The following CPXM2 variants were observed in gnomAD, a reference collection of about 807,000 sequenced individuals.
CPXM2 encodes the protein inactive carboxypeptidase-like protein X2.
In CPXM2, 66 loss-of-function variants were observed where a neutral mutation model predicts 86.1. That is an observed-to-expected ratio of 0.77 (90% CI 0.63 to 0.94). The LOEUF is 0.94. Ranked by LOEUF, CPXM2 falls within the 40% of genes least tolerant of loss-of-function variation. The pLI, the probability that CPXM2 is intolerant of heterozygous loss-of-function variation, is 0.00. For synonymous variants in CPXM2, 388 were observed against 400.2 expected (o/e 0.97, Z 0.36); for missense variants, 948 against 1,026.3 (o/e 0.92, Z 1.04).
At chr10:123,783,305 T>C (rs1846976338) in intron 6 of CPXM2, among the ~76,000 whole-genome samples, 1 of 152,264 alleles carries the variant, frequency 6.6e-6, no homozygotes, top group Non-Finnish European at 1.5e-5. Flanking sequence ...TTGAATTCTT[T>C]CTTGCACGAG....
intron 2 of CPXM2, among the ~76,000 whole-genome samples, chr10:123,926,650 T>C (rs1478425701): frequency 1.3e-5 from 2 of 152,246 alleles, no homozygotes; most frequent in Non-Finnish European, 2.9e-5. Flanking sequence ...AGAAAATCTG[T>C]CTGCCTTTTG....
chr10:123,866,079 G>GTTTGGAC lies in CPXM2; in HGVS notation c.404-3363_404-3357dup, dbSNP rs1330125002. The stretch of plus-strand genomic sequence containing the variant: ...CTCTCGGTCCAGACCTTCCTTCCTT[G>GTTTGGAC]TTTGGACTTTTCTTTCCACCTTCCC... On this transcript the variant is annotated intron_variant, in intron 2 of 13. Coordinates refer to ENST00000241305, the MANE Select transcript of CPXM2 (RefSeq NM_198148.3). 7.9e-5 allele frequency among the ~76,000 whole-genome samples: 12 copies of GTTTGGAC among 151,988 alleles called. No individual in the cohort carries two copies. The South Asian group carries it at 2.5e-3, about 32-fold the overall frequency.
chr10:123,774,209 A>G (rs963429129), intron 7 of CPXM2, among the ~76,000 whole-genome samples: 1 of 152,200 alleles, frequency 6.6e-6, no homozygotes, highest in Non-Finnish European at 1.5e-5. Context: ...GCCGGTGGGC[A>G]GGTGCCCGTT....
At chr10:123,895,928 C>G (rs1945334581), upstream of CPXM2, among the ~76,000 whole-genome samples, 1 of 152,234 alleles carries the variant, frequency 6.6e-6, no homozygotes, top group South Asian at 2.1e-4. Flanking sequence ...CCATGTTTGT[C>G]CATTCATTCA....
In CPXM2 at chr10:123,754,752, C is replaced by T. The variant is rs138945308; in HGVS notation, c.1928G>A (p.Gly643Asp). 7.0e-5 allele frequency: 112 copies of T among 1,593,022 alleles called. No individual in the cohort carries two copies. Among genetic ancestry groups the T allele is most frequent in the Middle Eastern group, 5.0e-4 (3 of 6,044 alleles). Reference protein sequence around the residue: ...LIVFMEQVHRGIKGLVRDSHG... With the variant: ...LIVFMEQVHRDIKGLVRDSHG... ...TGAATCTCTCACCAAGCCTTTAATG[C>T]CACGATGAACCTGCTCAGCAAACAT... Residue 643 changes from glycine (G) to aspartate (D), a missense_variant, in exon 13 of 14, where the codon GGC becomes GAC. Gly to Asp is a moderately conservative substitution (Grantham distance 94, BLOSUM62 -1). Transcript: ENST00000241305. The surrounding 1 kb of genome is among the most constrained non-coding windows in gnomAD (Gnocchi z 4.0).
intron 4 of CPXM2, among the ~76,000 whole-genome samples, chr10:123,819,198 G>A (rs116718452): frequency 0.019 from 2,847 of 152,280 alleles, 89 homozygotes; most frequent in African/African-American, 0.061. Context: ...AAGGAAATAA[G>A]GGAGAGTATG....
At chr10:123,929,157 C>A (rs1382766909) in intron 2 of CPXM2, among the ~76,000 whole-genome samples, 4 of 152,182 alleles carry the variant, frequency 2.6e-5, no homozygotes, top group Non-Finnish European at 5.9e-5. Context: ...ATGGGGCAGG[C>A]AGTGCCAGGA....
intron 6 of CPXM2, among the ~76,000 whole-genome samples, chr10:123,786,056 T>C (rs1351060782): frequency 2.0e-5 from 3 of 152,242 alleles, no homozygotes; most frequent in Admixed American, 6.5e-5. Flanking sequence ...GACCACAGTA[T>C]ATGAGAAAGC....
intron 4 of CPXM2, 114 bp downstream of exon 4, chr10:123,842,234 CT>C: frequency 1.5e-6 from 2 of 1,377,706 alleles, no homozygotes; most frequent in East Asian, 2.3e-5. Flanking sequence ...ATTTTCTCCT[CT>C]TCTACTGCCC....
intron 7 of CPXM2, among the ~76,000 whole-genome samples, chr10:123,774,304 G>A (rs58705116): frequency 0.01 from 1,540 of 152,308 alleles, 26 homozygotes; most frequent in East Asian, 0.049. Context: ...GCGGGGTGGC[G>A]TGGAACTGAG....
intron 2 of CPXM2, among the ~76,000 whole-genome samples, chr10:123,872,887 T>A (rs1944915825): frequency 1.3e-5 from 2 of 151,886 alleles, no homozygotes; most frequent in African/African-American, 2.4e-5. Context: ...TCATCCTTTG[T>A]ATAATCCAAG....
At chr10:123,893,348 C>T (rs1472923788), upstream of CPXM2, among the ~76,000 whole-genome samples, 1 of 152,154 alleles carries the variant, frequency 6.6e-6, no homozygotes, top group Non-Finnish European at 1.5e-5. Flanking sequence ...AGTGGGGGCT[C>T]CTGAGACCCC....
intron 12 of CPXM2, among the ~76,000 whole-genome samples, chr10:123,756,319 TG>T (rs1176934774): frequency 6.6e-6 from 1 of 152,208 alleles, no homozygotes; most frequent in Non-Finnish European, 1.5e-5. Flanking sequence ...TGTTCCTTAG[TG>T]GGGCCCGGAT....
chr10:123,846,340 T>C (rs1848494648), intron 3 of CPXM2, among the ~76,000 whole-genome samples: 1 of 152,186 alleles, frequency 6.6e-6, no homozygotes, highest in Non-Finnish European at 1.5e-5. Flanking sequence ...TAGATTCTCA[T>C]AAGGAGCGCA....
At chr10:123,915,088 C>T (rs146169655) in intron 2 of CPXM2, among the ~76,000 whole-genome samples, 15 of 152,312 alleles carry the variant, frequency 9.8e-5, no homozygotes, top group Middle Eastern at 3.4e-3. Flanking sequence ...ACTTCTCCCC[C>T]GCCTAGATCC....
intron 1 of CPXM2, among the ~76,000 whole-genome samples, chr10:123,883,909 G>A (rs1945137330): frequency 1.3e-5 from 2 of 152,110 alleles, no homozygotes; most frequent in Admixed American, 1.3e-4. Flanking sequence ...AAGGGGCCAG[G>A]ATCAAGCCAG....
chr10:123,910,509 C>T (rs2134269831), intron 2 of CPXM2, among the ~76,000 whole-genome samples: 1 of 152,300 alleles, frequency 6.6e-6, no homozygotes, highest in Admixed American at 6.5e-5. Flanking sequence ...TGCATCCCAG[C>T]TTTCTTCACT....
intron 4 of CPXM2, among the ~76,000 whole-genome samples, chr10:123,824,965 T>G (rs1215013066): frequency 6.6e-6 from 1 of 152,224 alleles, no homozygotes; most frequent in Non-Finnish European, 1.5e-5. Flanking sequence ...CCTGGAGGAA[T>G]CATGTCTTTT....
At chr10:123,830,740 G>C (rs1395937508) in intron 4 of CPXM2, among the ~76,000 whole-genome samples, 3 of 151,472 alleles carry the variant, frequency 2.0e-5, no homozygotes, top group African/African-American at 7.3e-5. Flanking sequence ...AGGAGGGCTG[G>C]GCTTGCCTTT....
Sources: gnomAD v4.1 joint callset for allele counts (sites outside exome capture counted in the v4.1 genomes callset) on GRCh38, gnomAD v4.1.1 for gene constraint, Gnocchi (gnomAD v3.1) non-coding constraint, MANE v1.5 for transcripts, NCBI Gene and HGNC (gene_info 2026-07-23, HGNC 2026-07-21) for gene names.